DOCK10: variants seen among roughly 807,000 people sequenced by gnomAD.
The protein encoded by DOCK10 is dedicator of cytokinesis protein 10.
In DOCK10, 145 loss-of-function variants were observed where a neutral mutation model predicts 280.1. The ratio of observed to expected loss-of-function variants is 0.52; its 90% CI spans 0.45 to 0.59. The LOEUF (loss-of-function observed/expected upper bound fraction) is 0.59. Ranked by LOEUF, DOCK10 falls within the 20% of genes least tolerant of loss-of-function variation. The pLI is 0.00. For synonymous variants in DOCK10, 915 were observed against 942.2 expected, an observed-to-expected ratio of 0.97 and a Z score of 0.53; for missense variants, 2,368 against 2,651.7, an observed-to-expected ratio of 0.89 and a Z score of 2.35.
chr2:224,905,495 C>T (rs981278586), intron 3 of DOCK10, among the ~76,000 whole-genome samples: 3 of 151,510 alleles, frequency 2.0e-5, no homozygotes, highest in Admixed American at 1.3e-4. Context: ...ATGATCCACC[C>T]GCCTCGGCCT....
intron 1 of DOCK10, among the ~76,000 whole-genome samples, chr2:224,990,988 A>C (rs1054757881): frequency 6.6e-6 from 1 of 152,238 alleles, no homozygotes; most frequent in African/African-American, 2.4e-5. Flanking sequence ...CCGTTACCTT[A>C]TGCAGGATTC....
intron 2 of DOCK10, among the ~76,000 whole-genome samples, chr2:224,917,115 T>TTTC (rs1701380025): frequency 8.6e-6 from 1 of 116,084 alleles, no homozygotes; most frequent in African/African-American, 3.0e-5. Context: ...TTTTTTTTTT[T>TTTC]TTTTTTTTGA....
rs562678038 is a variant in DOCK10, at chr2:224,881,402, A to G, written c.747+4269T>C. 4.9e-4 allele frequency among the ~76,000 whole-genome samples: 75 copies of G among 152,316 alleles called. 1 individual carries two copies. Among genetic ancestry groups the G allele is most frequent in the Non-Finnish European group, 2.2e-4 (15 of 68,034 alleles). On this transcript the variant is annotated intron_variant, in intron 7 of 55. Transcript: ENST00000258390. ...ACTAGTATTTGCTGAAATGAATCCC[A>G]TATCTAAAATTCACTGCTTAAAGCT...
At chr2:224,959,713 A>G (rs923864802) in intron 1 of DOCK10, among the ~76,000 whole-genome samples, 1 of 152,224 alleles carries the variant, frequency 6.6e-6, no homozygotes, top group East Asian at 1.9e-4. Flanking sequence ...TCTTGCTAAA[A>G]TCTGAATATT....
chr2:224,987,955 A>C (rs1038941709), intron 1 of DOCK10, among the ~76,000 whole-genome samples: 1 of 152,182 alleles, frequency 6.6e-6, no homozygotes, highest in African/African-American at 2.4e-5. Flanking sequence ...AACCTCTCTA[A>C]GCCTCAATAG....
intron 22 of DOCK10, among the ~76,000 whole-genome samples, chr2:224,843,096 C>A (rs1696081800): frequency 6.6e-6 from 1 of 152,074 alleles, no homozygotes; most frequent in Non-Finnish European, 1.5e-5. Flanking sequence ...AAGGGGAGTG[C>A]AATTACTCCC....
At chr2:224,811,572 C>A (rs1693778464) in intron 31 of DOCK10, among the ~76,000 whole-genome samples, 1 of 152,198 alleles carries the variant, frequency 6.6e-6, no homozygotes, top group African/African-American at 2.4e-5. Flanking sequence ...TGCCTATGTC[C>A]TGAATGGTAA....
intron 2 of DOCK10, among the ~76,000 whole-genome samples, chr2:224,927,186 T>C (rs1342648125): frequency 2.7e-5 from 4 of 149,376 alleles, no homozygotes; most frequent in Non-Finnish European, 3.0e-5. Context: ...ACCGAGAGGA[T>C]GAGCTTGGCA....
chr2:225,008,325 A>G (rs1689337039), intron 1 of DOCK10, among the ~76,000 whole-genome samples: 1 of 152,186 alleles, frequency 6.6e-6, no homozygotes, highest in African/African-American at 2.4e-5. Flanking sequence ...TTCTTGAGTG[A>G]AGACTCTTTG....
rs1690040332 is a variant in DOCK10, at chr2:224,765,651, T to C, written c.*70A>G. ...AAACTTCAAATAAATTAAACCTATC[T>C]TTCTCTTCCCCGAGATTAGCTGCAA... On this transcript the variant is annotated 3_prime_UTR_variant, in exon 56 of 56. Coordinates refer to ENST00000258390, the MANE Select transcript of DOCK10 (RefSeq NM_014689.3). 9.1e-7 allele frequency: 1 copy of C among 1,103,254 alleles called. No homozygotes were observed. Among genetic ancestry groups the C allele is most frequent in the Admixed American group, 2.3e-5 (1 of 44,232 alleles). 68.3% of individuals were successfully genotyped at this position (1,103,254 alleles called of 1,614,324 possible).
chr2:224,798,644 T>TC, intron 41 of DOCK10, among the ~76,000 whole-genome samples: 1 of 151,880 alleles, frequency 6.6e-6, no homozygotes, highest in Admixed American at 6.6e-5. Flanking sequence ...CTTTTTTTTT[T>TC]TTTTTGAGAC....
intron 1 of DOCK10, among the ~76,000 whole-genome samples, chr2:224,964,485 T>C (rs1163627354): frequency 2.2e-4 from 6 of 27,114 alleles, no homozygotes; most frequent in African/African-American, 5.2e-4. Context: ...TCTTTCTTCT[T>C]TTTTTTTTCG....
chr2:224,967,288 G>A (rs1383199920), intron 1 of DOCK10, among the ~76,000 whole-genome samples: 1 of 151,720 alleles, frequency 6.6e-6, no homozygotes, highest in Non-Finnish European at 1.5e-5. Flanking sequence ...CACCGTGTTA[G>A]TCAGGATGGT....
chr2:224,815,582 AT>A, intron 30 of DOCK10, among the ~76,000 whole-genome samples: 1 of 152,212 alleles, frequency 6.6e-6, no homozygotes, highest in East Asian at 1.9e-4. Flanking sequence ...AAAAATTGGA[AT>A]AATATTATAT....
intron 3 of DOCK10, among the ~76,000 whole-genome samples, chr2:224,898,688 T>G (rs1372670429): frequency 1.3e-5 from 2 of 152,334 alleles, no homozygotes; most frequent in African/African-American, 4.8e-5. Flanking sequence ...ACCATTCTCC[T>G]GCCTCCGCCT....
Position 224,982,182 on chromosome 2 carries a change from G to A in DOCK10, c.124-50514C>T, listed in dbSNP as rs569306330. 7.5e-5 allele frequency: 92 copies of A among 1,229,300 alleles called. No individual in the cohort carries two copies. The African/African-American group carries it at 1.4e-3, about 18-fold the overall frequency. 76.1% of individuals were successfully genotyped at this position (1,229,300 alleles called of 1,614,324 possible). A position where few individuals can be genotyped will look rare whatever the true frequency, so the allele number is the denominator to read the frequency against. On this transcript the variant is annotated intron_variant, in intron 1 of 55. Coordinates refer to ENST00000258390, the MANE Select transcript of DOCK10 (RefSeq NM_014689.3). ...CTATAATAACAGTTCAATCCACTGAGGCTGCTTTACCACGGATACCATACC... is the reference window on the plus strand; with the variant it reads ...CTATAATAACAGTTCAATCCACTGAAGCTGCTTTACCACGGATACCATACC...
chr2:225,021,901 A>G (rs1024776950), intron 1 of DOCK10, among the ~76,000 whole-genome samples: 9 of 152,206 alleles, frequency 5.9e-5, no homozygotes. Context: ...TATAACTAAG[A>G]TGGGACCCAT....
chr2:224,959,484 G>T (rs575888206), intron 1 of DOCK10, among the ~76,000 whole-genome samples: 119 of 138,160 alleles, frequency 8.6e-4, no homozygotes, highest in African/African-American at 3.0e-3. Context: ...CAAGAAAAAT[G>T]ATTTTTCAAT....
At chr2:224,860,573 T>G (rs1157362311) in intron 14 of DOCK10, 1 of 151,982 alleles carries the variant, frequency 6.6e-6, no homozygotes, top group African/African-American at 2.4e-5. Flanking sequence ...TTTTTTTTCT[T>G]TTTTTTAGAG....
Sources: gnomAD v4.1 joint callset for allele counts (sites outside exome capture counted in the v4.1 genomes callset) on GRCh38, gnomAD v4.1.1 for gene constraint, MANE v1.5 for transcripts, NCBI Gene and HGNC (gene_info 2026-07-23, HGNC 2026-07-21) for gene names.